ENTREP2: variants seen among roughly 807,000 people sequenced by gnomAD.
The protein encoded by ENTREP2 is protein ENTREP2.
the ENTREP2 span, among the ~76,000 whole-genome samples, chr15:29,398,358 G>C: frequency 3.3e-5 from 5 of 151,886 alleles, no homozygotes; most frequent in Admixed American, 1.3e-4. Context: ...TGACGAAAAT[G>C]AAAAATTCTT....
the ENTREP2 span, among the ~76,000 whole-genome samples, chr15:29,344,469 TCAG>T: frequency 0.67 from 102,062 of 151,628 alleles, 36,357 homozygotes; most frequent in Middle Eastern, 0.82. Context: ...CCTCTCACCC[TCAG>T]AAGAAGGGGC....
the ENTREP2 span, among the ~76,000 whole-genome samples, chr15:29,647,014 C>T: frequency 1.5e-3 from 235 of 152,316 alleles, 1 homozygote; most frequent in Non-Finnish European, 1.7e-3. Context: ...CCTCTCCACC[C>T]ACCTGGAACA....
At chr15:29,234,162 C>G in the ENTREP2 span, 4 of 1,591,188 alleles carry the variant, frequency 2.5e-6, no homozygotes, top group Non-Finnish European at 3.4e-6. Flanking sequence ...CGTTCACTCT[C>G]AGGCCTTGAT....
At chr15:29,138,702 CGTGTGTGTGT>C in the ENTREP2 span, among the ~76,000 whole-genome samples, 1 of 149,248 alleles carries the variant, frequency 6.7e-6, no homozygotes, top group African/African-American at 2.5e-5. Context: ...TGTGTGTATG[CGTGTGTGTGT>C]GTGTGTGTGT....
chr15:29,674,219 C>A, the ENTREP2 span, among the ~76,000 whole-genome samples: 1 of 149,288 alleles, frequency 6.7e-6, no homozygotes. Context: ...CAGCCAGAAG[C>A]AGCAAACGCT....
At chr15:29,624,421 G>GT in the ENTREP2 span, among the ~76,000 whole-genome samples, 1 of 152,182 alleles carries the variant, frequency 6.6e-6, no homozygotes, top group Non-Finnish European at 1.5e-5. Flanking sequence ...TGTGAGTAGT[G>GT]TAAGGATGCA....
chr15:29,360,984 G>A, the ENTREP2 span, among the ~76,000 whole-genome samples: 2 of 152,132 alleles, frequency 1.3e-5, no homozygotes, highest in Non-Finnish European at 2.9e-5. Flanking sequence ...GCTCCACCAC[G>A]GCTGTCCCTT....
chr15:29,293,782 G>A, the ENTREP2 span, among the ~76,000 whole-genome samples: 1 of 152,236 alleles, frequency 6.6e-6, no homozygotes, highest in Non-Finnish European at 1.5e-5. Context: ...GAGATGGAGT[G>A]TGGGGTCCAC....
chr15:29,512,883 T>C, the ENTREP2 span, among the ~76,000 whole-genome samples: 52 of 152,332 alleles, frequency 3.4e-4, 1 homozygote, highest in Admixed American at 1.8e-3. Flanking sequence ...CTGTCAGATA[T>C]TGAAGCCACC....
the ENTREP2 span, among the ~76,000 whole-genome samples, chr15:29,205,190 C>T: frequency 1.3e-5 from 2 of 152,194 alleles, no homozygotes; most frequent in African/African-American, 4.8e-5. Context: ...CTATCAGATG[C>T]ATCTACCATA....
chr15:29,405,020 G>C, the ENTREP2 span, among the ~76,000 whole-genome samples: 5 of 152,140 alleles, frequency 3.3e-5, no homozygotes, highest in African/African-American at 1.2e-4. Context: ...TACTGTAAGA[G>C]CCCTACAAAG....
chr15:29,593,251 A>G, the ENTREP2 span, among the ~76,000 whole-genome samples: 1 of 152,102 alleles, frequency 6.6e-6, no homozygotes, highest in Non-Finnish European at 1.5e-5. Context: ...GTACTCTCCC[A>G]CTGTGTCACT....
At chr15:29,393,593 T>G in the ENTREP2 span, among the ~76,000 whole-genome samples, 2 of 152,196 alleles carry the variant, frequency 1.3e-5, no homozygotes, top group African/African-American at 2.4e-5. Context: ...AGCATGTCTT[T>G]TGCAGTGTAT....
chr15:29,310,895 G>A, the ENTREP2 span, among the ~76,000 whole-genome samples: 14 of 152,154 alleles, frequency 9.2e-5, no homozygotes, highest in Non-Finnish European at 1.5e-4. Flanking sequence ...CAATTACAGC[G>A]TGAGAATTAA....
chr15:29,465,974 A>G, the ENTREP2 span, among the ~76,000 whole-genome samples: 3,873 of 152,270 alleles, frequency 0.025, 156 homozygotes, highest in African/African-American at 0.089. Context: ...GGCTCTGCCA[A>G]ATACTGATGA....
the ENTREP2 span, among the ~76,000 whole-genome samples, chr15:29,485,443 G>A: frequency 6.6e-6 from 1 of 152,136 alleles, no homozygotes; most frequent in Admixed American, 6.5e-5. Context: ...TGATTCAAGG[G>A]GCTCCTCTCT....
the ENTREP2 span, among the ~76,000 whole-genome samples, chr15:29,344,067 T>C: frequency 2.6e-4 from 40 of 152,202 alleles, no homozygotes; most frequent in Non-Finnish European, 4.6e-4. Flanking sequence ...TCCAAGCATT[T>C]GATACAAGGT....
the ENTREP2 span, among the ~76,000 whole-genome samples, chr15:29,257,873 C>T: frequency 5.9e-5 from 9 of 152,134 alleles, no homozygotes; most frequent in Non-Finnish European, 1.3e-4. Flanking sequence ...GTTTTAATAA[C>T]TGCAGAGTCT....
At chr15:29,628,328 T>C in the ENTREP2 span, among the ~76,000 whole-genome samples, 1 of 152,222 alleles carries the variant, frequency 6.6e-6, no homozygotes, top group African/African-American at 2.4e-5. Context: ...TTGCTTGTGG[T>C]TTGTTACTAT....
Sources: allele counts gnomAD v4.1 joint callset (sites outside exome capture counted in the v4.1 genomes callset), GRCh38; gene constraint gnomAD v4.1.1; transcripts MANE v1.5; gene names NCBI Gene and HGNC (gene_info 2026-07-23, HGNC 2026-07-21).